The following TBC1D32 variants were observed in gnomAD, a reference collection of about 807,000 sequenced individuals.
TBC1D32 encodes TBC1 domain family member 32.
A neutral mutation model predicts 170.3 loss-of-function variants in TBC1D32; 151 were observed. The observed-to-expected ratio is 0.89, with a 90% CI of 0.78 to 1.01. The LOEUF is 1.01. Ranked by LOEUF, TBC1D32 falls within the 50% of genes least tolerant of loss-of-function variation. The pLI, the probability that TBC1D32 is intolerant of heterozygous loss-of-function variation, is 0.00. For missense variants in TBC1D32, 1,464 were observed against 1,457.1 expected (o/e 1.00, Z -0.08); for synonymous variants, 498 against 488.0 (o/e 1.02, Z -0.27).
At chr6:121,128,844 C>T (rs895514434) in intron 25 of TBC1D32, among the ~76,000 whole-genome samples, 3 of 152,116 alleles carry the variant, frequency 2.0e-5, no homozygotes, top group East Asian at 1.9e-4. Flanking sequence ...AAATTTCTTA[C>T]GTTAAAATCC....
intron 30 of TBC1D32, among the ~76,000 whole-genome samples, chr6:121,103,675 T>A (rs1778392657): frequency 6.6e-6 from 1 of 151,898 alleles, no homozygotes; most frequent in African/African-American, 2.4e-5. Context: ...ATGGCACATG[T>A]ATACATATAT....
intron 9 of TBC1D32, among the ~76,000 whole-genome samples, chr6:121,301,043 G>C (rs192145992): frequency 0.051 from 7,699 of 152,214 alleles, 363 homozygotes; most frequent in African/African-American, 0.12. Context: ...GGAAACAACG[G>C]ATGCTGGAGA....
At chr6:121,194,389 C>T (rs567178643) in intron 22 of TBC1D32, among the ~76,000 whole-genome samples, 1 of 152,316 alleles carries the variant, frequency 6.6e-6, no homozygotes, top group African/African-American at 2.4e-5. Context: ...AGTATCACAT[C>T]CCTGCAGGGA....
intron 21 of TBC1D32, among the ~76,000 whole-genome samples, chr6:121,212,217 T>C (rs1427610267): frequency 6.6e-6 from 1 of 151,822 alleles, no homozygotes; most frequent in Non-Finnish European, 1.5e-5. Context: ...GCTCCGAAAT[T>C]GAATCAGCAA....
At position 121,115,157 on chromosome 6, in the gene TBC1D32, T is replaced by G. The variant is rs766979752; in HGVS notation, c.3053+15A>C. ...TTCTAGAAATGCACAAGGGAGCTAT[T>G]TCCCTATAATATACCTGACAGTCAT... On this transcript the variant is annotated intron_variant, in intron 27 of 31. Coordinates refer to ENST00000398212, the MANE Select transcript of TBC1D32 (RefSeq NM_152730.6). The G allele has an allele frequency of 1.5e-5, 24 of 1,571,032 alleles. No individual in the cohort carries two copies. The highest frequency in any genetic ancestry group is 1.6e-5 in the Non-Finnish European group (19 of 1,155,622).
chr6:121,217,951 A>G (rs77516506), intron 21 of TBC1D32, among the ~76,000 whole-genome samples: 4,164 of 152,340 alleles, frequency 0.027, 152 homozygotes, highest in African/African-American at 0.087. Context: ...ATAGTACCAT[A>G]CACTGAGAAA....
intron 31 of TBC1D32, among the ~76,000 whole-genome samples, chr6:121,084,232 T>C (rs1775952368): frequency 1.3e-5 from 2 of 152,106 alleles, no homozygotes; most frequent in Admixed American, 1.3e-4. Flanking sequence ...TTTATTTGCC[T>C]TCCAGGAGAA....
chr6:121,133,528 CAGTGTT>C (rs1362978418), intron 24 of TBC1D32, among the ~76,000 whole-genome samples: 2 of 151,924 alleles, frequency 1.3e-5, no homozygotes, highest in African/African-American at 2.4e-5. Flanking sequence ...TGTAAAATTT[CAGTGTT>C]ATTTAGCCCT....
intron 20 of TBC1D32, among the ~76,000 whole-genome samples, chr6:121,237,710 TA>T (rs1408405500): frequency 2.6e-4 from 39 of 152,156 alleles, no homozygotes; most frequent in Middle Eastern, 3.4e-3. Flanking sequence ...TTCTTTTACA[TA>T]GTTTTATTTC....
chr6:121,178,159 TGCGCCC>T (rs1788020983), intron 22 of TBC1D32, among the ~76,000 whole-genome samples: 2 of 152,118 alleles, frequency 1.3e-5, no homozygotes, highest in Admixed American at 1.3e-4. Flanking sequence ...TGGGGGAAAC[TGCGCCC>T]ATGATTCAAT....
At chr6:121,233,134 G>C (rs1233493272) in intron 20 of TBC1D32, among the ~76,000 whole-genome samples, 1 of 151,982 alleles carries the variant, frequency 6.6e-6, no homozygotes, top group East Asian at 1.9e-4. Context: ...CTCTCATATG[G>C]TCTATCTTGG....
chr6:121,279,427 C>G (rs999854330), intron 14 of TBC1D32, among the ~76,000 whole-genome samples, 182 bp from the exon 15 acceptor site: 1 of 151,952 alleles, frequency 6.6e-6, no homozygotes, highest in Non-Finnish European at 1.5e-5. Context: ...AGATTATATT[C>G]TTTTACCAGC....
At chr6:121,333,888 G>C (rs1421526136) in intron 1 of TBC1D32, among the ~76,000 whole-genome samples, 1 of 152,124 alleles carries the variant, frequency 6.6e-6, no homozygotes, top group Non-Finnish European at 1.5e-5. Context: ...CCCACATGGT[G>C]AAACACCGTC....
intron 24 of TBC1D32, among the ~76,000 whole-genome samples, chr6:121,145,021 G>A (rs1783246414): frequency 6.6e-6 from 1 of 152,174 alleles, no homozygotes; most frequent in Non-Finnish European, 1.5e-5. Flanking sequence ...CTGAAAGCCG[G>A]TGGAGTATTA....
chr6:121,185,702 A>G (rs1297847612), intron 22 of TBC1D32, among the ~76,000 whole-genome samples: 1 of 152,076 alleles, frequency 6.6e-6, no homozygotes, highest in African/African-American at 2.4e-5. Context: ...CTTGGCTACT[A>G]TGCTTTTCTA....
intron 24 of TBC1D32, among the ~76,000 whole-genome samples, chr6:121,152,078 C>T (rs779877838): frequency 7.2e-5 from 11 of 152,014 alleles, no homozygotes; most frequent in Non-Finnish European, 1.3e-4. Context: ...CATTAGTTGG[C>T]GTAGTTTCTT....
At chr6:121,267,127 TAA>T (rs10695424) in intron 15 of TBC1D32, among the ~76,000 whole-genome samples, 4 of 126,192 alleles carry the variant, frequency 3.2e-5, no homozygotes, top group Non-Finnish European at 3.5e-5. Context: ...TGTGCTCTTC[TAA>T]AAAAAAAAAA....
chr6:121,222,613 A>G (rs1794652472), intron 21 of TBC1D32, among the ~76,000 whole-genome samples: 1 of 152,166 alleles, frequency 6.6e-6, no homozygotes, highest in East Asian at 1.9e-4. Flanking sequence ...AAGCAACCAG[A>G]AAATGAAAAA....
intron 14 of TBC1D32, 21 bp from the exon 15 acceptor site, chr6:121,279,266 A>G (rs1458481333): frequency 6.3e-7 from 1 of 1,594,728 alleles, no homozygotes; most frequent in Non-Finnish European, 8.5e-7. Context: ...AAAAGAAAAC[A>G]AGACAAATCA....
Sources: allele counts gnomAD v4.1 joint callset (sites outside exome capture counted in the v4.1 genomes callset), GRCh38; gene constraint gnomAD v4.1.1; transcripts MANE v1.5; gene names NCBI Gene and HGNC (gene_info 2026-07-23, HGNC 2026-07-21).